Variants in KMT2C observed in about 807,000 individuals in gnomAD.
The protein encoded by KMT2C is lysine methyltransferase 2C.
In KMT2C, 88 loss-of-function variants were observed where a neutral mutation model predicts 507.9. The ratio of observed to expected loss-of-function variants is 0.17; its 90% confidence interval spans 0.15 to 0.21. The LOEUF is 0.21. KMT2C is among the 10% of genes least tolerant of loss of function. The probability of loss-of-function intolerance (pLI) is 1.00; values close to 1 mark genes in which losing one functional copy is unlikely to be tolerated. For missense variants in KMT2C, 4,954 were observed against 5,957.8 expected, an observed-to-expected ratio of 0.83 and a Z score of 5.55; for synonymous variants, 2,049 against 2,080.8, an observed-to-expected ratio of 0.98 and a Z score of 0.42.
chr7:152,351,214 T>C (rs897382392), intron 2 of KMT2C, among the ~76,000 whole-genome samples: 6 of 152,204 alleles, frequency 3.9e-5, no homozygotes, highest in African/African-American at 1.4e-4. Flanking sequence ...AAGTATAGTA[T>C]AGTAAATATA....
In KMT2C at chr7:152,383,812, AAT is replaced by A. The variant is rs1434759536; in HGVS notation, c.162-25139_162-25138del. Among the ~76,000 whole-genome samples the A allele has an allele frequency of 7.2e-5, 11 of 152,178 alleles. No individual in the cohort carries two copies. The East Asian group carries it at 2.1e-3, about 29-fold the overall frequency. On this transcript the variant is annotated intron_variant, in intron 1 of 58. Coordinates refer to ENST00000262189, the MANE Select transcript of KMT2C (RefSeq NM_170606.3). ...GGTTGTCACACTAATGAATTCTGAG[AAT>A]AGTGCCTGGTACTACAGTTAAGTGC...
At chr7:152,151,075 A>G (rs756962004) in intron 50 of KMT2C, 68 bp from the exon 51 acceptor site, 52 of 917,984 alleles carry the variant, frequency 5.7e-5, no homozygotes, top group Middle Eastern at 2.2e-4. Flanking sequence ...GGATCTATAC[A>G]TTATTTTTAT....
chr7:152,302,396 G>T (rs2096577536), intron 6 of KMT2C, among the ~76,000 whole-genome samples: 1 of 151,298 alleles, frequency 6.6e-6, no homozygotes. Context: ...GCTAATTTTT[G>T]TATTTTTAGT....
rs774298530 is a variant in KMT2C, at chr7:152,220,749, A to G, written c.3500-14T>C. 6.4e-7 allele frequency: 1 copy of G among 1,567,358 alleles called. No individual in the cohort carries two copies. The highest frequency in any genetic ancestry group is 1.1e-5 in the South Asian group (1 of 89,702). On this transcript the variant is annotated splice_polypyrimidine_tract_variant and intron_variant, in intron 22 of 58. Coordinates refer to ENST00000262189, the MANE Select transcript of KMT2C (RefSeq NM_170606.3). Reference sequence around the variant, plus strand: ...TCTTGGGTGGGTCTAAAATTACAAAATCCCAAGGATACAAATTTAAACTTT... The same window carrying G: ...TCTTGGGTGGGTCTAAAATTACAAAGTCCCAAGGATACAAATTTAAACTTT...
At chr7:152,254,430 A>C (rs2095612191) in intron 9 of KMT2C, among the ~76,000 whole-genome samples, 2 of 152,184 alleles carry the variant, frequency 1.3e-5, no homozygotes, top group African/African-American at 2.4e-5. Context: ...TAATATTAGA[A>C]AAATCCATTA....
At chr7:152,238,352 T>C (rs536121780) in intron 15 of KMT2C, among the ~76,000 whole-genome samples, 12 of 152,348 alleles carry the variant, frequency 7.9e-5, no homozygotes, top group African/African-American at 2.6e-4. Flanking sequence ...TTCTTCTCCA[T>C]GAGAACATAA....
Position 152,220,681 on chromosome 7 carries a change from G to C in KMT2C, c.3554C>G (p.Thr1185Ser), listed in dbSNP as rs2129145708. ...TGTAACTGTGAGGCTCTGTAACTGA[G>C]TCATCCCTGATTCAGTCAAACACAC... ...DGVCLTESGM[T>S]QLQSLTVTVP... The change falls in exon 23 of 59, where the codon ACT becomes AGT. Residue 1185 changes from threonine (T) to serine (S), a missense_variant. Thr to Ser is a moderately conservative substitution (Grantham distance 58). This residue lies in a region of KMT2C where 176 missense variants were observed against 262.0 expected (regional missense o/e 0.67). Coordinates refer to ENST00000262189, the MANE Select transcript of KMT2C (RefSeq NM_170606.3). The C allele has an allele frequency of 1.9e-6, 3 of 1,611,474 alleles. No individual in the cohort carries two copies. Among genetic ancestry groups the C allele is most frequent in the Non-Finnish European group, 2.5e-6 (3 of 1,179,444 alleles).
At chr7:152,355,613 T>TA (rs902069394) in intron 2 of KMT2C, among the ~76,000 whole-genome samples, 1 of 151,672 alleles carries the variant, frequency 6.6e-6, no homozygotes, top group Non-Finnish European at 1.5e-5. Flanking sequence ...AGTCAAGTTT[T>TA]AAAAAAAAGT....
At chr7:152,165,651 A>C (rs1209952797) in intron 42 of KMT2C, among the ~76,000 whole-genome samples, 1 of 152,180 alleles carries the variant, frequency 6.6e-6, no homozygotes, top group Non-Finnish European at 1.5e-5. Context: ...AGTTATAAGC[A>C]AACATGTACA....
At chr7:152,140,023 TAG>T (rs575020125) in intron 55 of KMT2C, among the ~76,000 whole-genome samples, 98 of 152,364 alleles carry the variant, frequency 6.4e-4, no homozygotes, top group African/African-American at 2.3e-3. Flanking sequence ...ACTAAATTCT[TAG>T]AGTCTATGTA....
chr7:152,367,085 AT>A, intron 1 of KMT2C: 3 of 784,526 alleles, frequency 3.8e-6, no homozygotes, highest in South Asian at 3.1e-5. Context: ...TCTGTGCTGC[AT>A]TTTTATCCAG....
chr7:152,300,101 T>G (rs1179870842), intron 6 of KMT2C, among the ~76,000 whole-genome samples: 1 of 152,214 alleles, frequency 6.6e-6, no homozygotes, highest in East Asian at 1.9e-4. Flanking sequence ...TAATGGAGAA[T>G]AATTCAATGT....
At chr7:152,307,190 A>AGAGG (rs1290726221) in intron 6 of KMT2C, among the ~76,000 whole-genome samples, 2,530 of 98,006 alleles carry the variant, frequency 0.026, 108 homozygotes, top group African/African-American at 0.044. Context: ...GAAGGAAAGA[A>AGAGG]GAGGGAGGAA....
At chr7:152,217,908 G>C (rs1264927903) in intron 23 of KMT2C, among the ~76,000 whole-genome samples, 1 of 152,120 alleles carries the variant, frequency 6.6e-6, no homozygotes, top group African/African-American at 2.4e-5. Context: ...AAATTTAAGA[G>C]ACTATGGAAA....
chr7:152,169,171 T>A lies in KMT2C; in HGVS notation c.9517+15A>T. On this transcript the variant is annotated intron_variant, in intron 41 of 58. Coordinates refer to ENST00000262189, the MANE Select transcript of KMT2C (RefSeq NM_170606.3). Reference sequence around the variant, plus strand: ...CAATCCCCAGAAAACATTAACTTATTAGATTTATACTTACTGACAAAGCCT... The same window carrying A: ...CAATCCCCAGAAAACATTAACTTATAAGATTTATACTTACTGACAAAGCCT... The A allele has an allele frequency of 2.0e-6, 3 of 1,504,780 alleles. No individual in the cohort carries two copies. In the South Asian group the frequency reaches 3.4e-5, roughly 17 times the overall value. The allele number at this position is 1,504,780 out of a possible 1,614,324, so 93.2% of individuals were successfully genotyped here. A position where few individuals can be genotyped will look rare whatever the true frequency, so the allele number is the denominator to read the frequency against.
chr7:152,167,071 C>A, intron 42 of KMT2C, 75 bp downstream of exon 42: 1 of 1,200,960 alleles, frequency 8.3e-7, no homozygotes. Context: ...TAGTCAAAGT[C>A]ACTAATGAAC....
chr7:152,308,055 T>G (rs2096636670), intron 6 of KMT2C, among the ~76,000 whole-genome samples: 2 of 152,206 alleles, frequency 1.3e-5, no homozygotes, highest in Non-Finnish European at 1.5e-5. Context: ...ATGTTCAGGC[T>G]GGGGAAAATA....
intron 1 of KMT2C, among the ~76,000 whole-genome samples, chr7:152,396,235 C>A (rs2097537360): frequency 6.6e-6 from 1 of 152,144 alleles, no homozygotes; most frequent in Non-Finnish European, 1.5e-5. Flanking sequence ...CAACTACTGA[C>A]AAAAGGTATT....
intron 1 of KMT2C, among the ~76,000 whole-genome samples, chr7:152,409,727 T>G: frequency 6.6e-6 from 1 of 151,008 alleles, no homozygotes; most frequent in Admixed American, 6.6e-5. Context: ...CAAGACTCCG[T>G]CTCAAAAAAA....
Sources: gnomAD v4.1 joint callset for allele counts (sites outside exome capture counted in the v4.1 genomes callset) on GRCh38, gnomAD v4.1.1 for gene constraint, gnomAD v4.1.1 regional missense constraint, MANE v1.5 for transcripts, NCBI Gene and HGNC (gene_info 2026-07-23, HGNC 2026-07-21) for gene names.